Variants in PIK3C2G observed in about 807,000 individuals in gnomAD.
PIK3C2G encodes phosphatidylinositol-4-phosphate 3-kinase catalytic subunit type 2 gamma.
PIK3C2G carries 168 observed loss-of-function variants against 181.1 expected under a neutral mutation model. The ratio of observed to expected loss-of-function variants is 0.93; its 90% CI spans 0.82 to 1.05. The LOEUF (loss-of-function observed/expected upper bound fraction) is 1.05. Ranked by LOEUF, PIK3C2G falls within the 50% of genes least tolerant of loss-of-function variation. The probability of loss-of-function intolerance (pLI) is 0.00; values close to 1 mark genes in which losing one functional copy is unlikely to be tolerated. For synonymous variants in PIK3C2G, 573 were observed against 592.2 expected, an observed-to-expected ratio of 0.97 and a Z score of 0.47; for missense variants, 1,869 against 1,732.8, an observed-to-expected ratio of 1.08 and a Z score of -1.40.
intron 24 of PIK3C2G, among the ~76,000 whole-genome samples, chr12:18,518,396 C>T (rs530409485): frequency 2.0e-5 from 3 of 152,242 alleles, no homozygotes; most frequent in African/African-American, 7.2e-5. Context: ...CTATTAATTA[C>T]TGCCTCAATT....
intron 31 of PIK3C2G, among the ~76,000 whole-genome samples, chr12:18,616,240 A>C (rs1948603197): frequency 6.6e-6 from 1 of 152,104 alleles, no homozygotes. Context: ...CTGCAGTTTC[A>C]ATTGTATTGA....
chr12:18,413,899 T>C (rs1356571609), intron 16 of PIK3C2G, among the ~76,000 whole-genome samples: 6 of 152,150 alleles, frequency 3.9e-5, no homozygotes, highest in South Asian at 2.1e-4. Context: ...AAATAATGCG[T>C]AGCCCTCACC....
the PIK3C2G span, among the ~76,000 whole-genome samples, chr12:18,695,415 T>C: frequency 1.3e-5 from 2 of 152,176 alleles, no homozygotes; most frequent in African/African-American, 2.4e-5. Context: ...GTGCATTGAA[T>C]GCAAGAGGTA....
chr12:18,669,919 T>C, the PIK3C2G span, among the ~76,000 whole-genome samples: 1 of 152,076 alleles, frequency 6.6e-6, no homozygotes, highest in Non-Finnish European at 1.5e-5. Context: ...TCCGCCCACC[T>C]GGCCTCCCAA....
chr12:18,399,848 G>T lies in PIK3C2G; in HGVS notation c.2315+1G>T. ...AGGCTCTTGGGCTTTTGACTTCCAG[G>T]TAAGAATTGCATAACAAGCATGATA... is the stretch of plus-strand genomic sequence containing the variant. On this transcript the variant is annotated splice_donor_variant, in intron 16 of 32. Transcript: ENST00000538779. LOFTEE classifies it high-confidence loss of function. The T allele has an allele frequency of 6.4e-7, 1 of 1,559,308 alleles. No homozygotes were observed. The highest frequency in any genetic ancestry group is 8.8e-7 in the Non-Finnish European group (1 of 1,142,516).
In PIK3C2G at chr12:18,554,207, C is replaced by T. The variant is rs556404712; in HGVS notation, c.3590+7775C>T. On this transcript the variant is annotated intron_variant, in intron 26 of 32. Coordinates refer to ENST00000538779, the MANE Select transcript of PIK3C2G (RefSeq NM_001288772.2). ...TGCATAATGAGCGCTCTTCCCAGGA[C>T]ACAACTATGCCAAATCATGTGGAAA... Among the ~76,000 whole-genome samples, 9 of 152,148 alleles carry T rather than the reference C, an allele frequency of 5.9e-5. No individual in the cohort carries two copies. In the South Asian group the frequency reaches 1.9e-3, roughly 32 times the overall value.
At chr12:18,584,685 T>C (rs1353819830) in intron 29 of PIK3C2G, among the ~76,000 whole-genome samples, 3 of 151,996 alleles carry the variant, frequency 2.0e-5, no homozygotes, top group African/African-American at 7.3e-5. Flanking sequence ...ACTCAGTAAA[T>C]ATAGAGGACC....
At chr12:18,685,626 C>G in the PIK3C2G span, 1 of 516,362 alleles carries the variant, frequency 1.9e-6, no homozygotes, top group East Asian at 5.5e-5. Flanking sequence ...AACTAATTGG[C>G]TCATGCTGGA....
At chr12:18,700,498 T>A in the PIK3C2G span, among the ~76,000 whole-genome samples, 5 of 86,238 alleles carry the variant, frequency 5.8e-5, no homozygotes, top group Admixed American at 1.0e-3. Flanking sequence ...CATAACCAGA[T>A]CAGAGCCAAC....
At chr12:18,423,169 AAG>A (rs1274980498) in intron 17 of PIK3C2G, among the ~76,000 whole-genome samples, 1 of 149,182 alleles carries the variant, frequency 6.7e-6, no homozygotes, top group African/African-American at 2.5e-5. Context: ...GTGTGTGTGT[AAG>A]AGAGAGAGAC....
chr12:18,712,867 T>C, the PIK3C2G span: 1 of 1,613,866 alleles, frequency 6.2e-7, no homozygotes, highest in Non-Finnish European at 8.5e-7. Flanking sequence ...GTGTATAGCT[T>C]GGATAACAGT....
intron 11 of PIK3C2G, among the ~76,000 whole-genome samples, chr12:18,353,118 A>G (rs1940388064): frequency 1.3e-5 from 2 of 152,170 alleles, no homozygotes; most frequent in African/African-American, 4.8e-5. Flanking sequence ...TGCTCTGAAG[A>G]GGCACATCTT....
rs1413873784 is a variant in PIK3C2G, at chr12:18,563,400, C to G, written c.3804C>G (p.His1268Gln). 1.2e-6 allele frequency: 2 copies of G among 1,612,752 alleles called. No individual in the cohort carries two copies. Among genetic ancestry groups the G allele is most frequent in the Non-Finnish European group, 1.7e-6 (2 of 1,179,202 alleles). Residue 1268 changes from histidine to glutamine, a missense_variant, in exon 28 of 33, where the codon CAC becomes CAG. Coordinates refer to ENST00000538779, the MANE Select transcript of PIK3C2G (RefSeq NM_001288772.2). ...SSNLYLIQVT[H>Q]SNNETSLTEK... ...AGCTGTATCTGATCCAGGTGACACA[C>G]AGCAACAACGAAACAAGCCTGACAG...
the PIK3C2G span, among the ~76,000 whole-genome samples, chr12:18,665,564 A>G: frequency 6.6e-6 from 1 of 152,282 alleles, no homozygotes; most frequent in Non-Finnish European, 1.5e-5. Flanking sequence ...AGGCCAAGGC[A>G]GGCAGATCAC....
intron 16 of PIK3C2G, among the ~76,000 whole-genome samples, 192 bp downstream of exon 16, chr12:18,400,039 G>T (rs979929203): frequency 1.6e-4 from 24 of 152,126 alleles, no homozygotes; most frequent in Admixed American, 1.6e-3. Context: ...CATGTCTGCT[G>T]CCCTAAGCTT....
At chr12:18,260,494 G>T (rs1302066567), upstream of PIK3C2G, among the ~76,000 whole-genome samples, 1 of 151,958 alleles carries the variant, frequency 6.6e-6, no homozygotes, top group African/African-American at 2.4e-5. Context: ...TCACACCTTT[G>T]TAGCTTTAGA....
At chr12:18,421,897 A>T (rs972178248) in intron 17 of PIK3C2G, among the ~76,000 whole-genome samples, 1 of 152,038 alleles carries the variant, frequency 6.6e-6, no homozygotes, top group Non-Finnish European at 1.5e-5. Flanking sequence ...CACAGAGATT[A>T]TGAATTTCTC....
intron 30 of PIK3C2G, among the ~76,000 whole-genome samples, chr12:18,597,175 C>T (rs1308835608): frequency 6.6e-6 from 1 of 151,186 alleles, no homozygotes; most frequent in Non-Finnish European, 1.5e-5. Flanking sequence ...GTTAGGGAAA[C>T]ACCAAAACAC....
intron 16 of PIK3C2G, among the ~76,000 whole-genome samples, chr12:18,402,609 T>C (rs1185565090): frequency 6.6e-6 from 1 of 152,176 alleles, no homozygotes; most frequent in African/African-American, 2.4e-5. Flanking sequence ...AATAATTTTC[T>C]AACAAGATAA....
Sources: allele counts gnomAD v4.1 joint callset (sites outside exome capture counted in the v4.1 genomes callset), GRCh38; gene constraint gnomAD v4.1.1; transcripts MANE v1.5; gene names NCBI Gene and HGNC (gene_info 2026-07-23, HGNC 2026-07-21).